CNTRL: variants seen among roughly 807,000 people sequenced by gnomAD.
The protein encoded by CNTRL is 110 kDa centrosomal protein.
Under a neutral mutation model 303.7 loss-of-function variants are expected in CNTRL, and 233 were observed. That is an observed-to-expected ratio of 0.77 (90% CI 0.69 to 0.86). The LOEUF (loss-of-function observed/expected upper bound fraction) is 0.86. Ranked by LOEUF, CNTRL falls within the 40% of genes least tolerant of loss-of-function variation. The pLI is 0.00. For synonymous variants in CNTRL, 900 were observed against 922.2 expected (o/e 0.98, Z 0.44); for missense variants, 2,524 against 2,650.6 (o/e 0.95, Z 1.05).
In CNTRL at chr9:121,098,562, A is replaced by G. The variant is rs772286609; in HGVS notation, c.798A>G (p.Arg266=). Residue 266 remains arginine (R), a synonymous_variant, in exon 7 of 44, where the codon AGA becomes AGG. Transcript: ENST00000373855. ...TTQDRQEAFE[R]FSLEEVERLE... ...AGGATAGACAGGAGGCTTTTGAGAG[A>G]TTCAGTTTAGGTAAGATTAAATTTA... 6.9e-6 allele frequency: 11 copies of G among 1,592,058 alleles called. No individual in the cohort carries two copies. The highest frequency in any genetic ancestry group is 9.4e-6 in the Non-Finnish European group (11 of 1,172,220).
chr9:121,149,611 T>C (rs2052097008), intron 24 of CNTRL, among the ~76,000 whole-genome samples: 2 of 152,078 alleles, frequency 1.3e-5, no homozygotes, highest in African/African-American at 4.8e-5. Context: ...TTCACCATAT[T>C]AGACAGGCTG....
intron 12 of CNTRL, chr9:121,122,426 G>C: frequency 2.0e-6 from 2 of 981,486 alleles, no homozygotes; most frequent in South Asian, 9.4e-5. Flanking sequence ...TTGTATTTGG[G>C]GTAAGCAAAT....
chr9:121,090,112 T>A (rs985000528), intron 3 of CNTRL, among the ~76,000 whole-genome samples, 163 bp from the exon 4 acceptor site: 2 of 131,562 alleles, frequency 1.5e-5, no homozygotes, highest in Non-Finnish European at 3.0e-5. Flanking sequence ...TATGAAATGC[T>A]ATGAAGTAAA....
At chr9:121,148,896 T>G in intron 24 of CNTRL, 35 bp downstream of exon 24, 54 of 1,583,874 alleles carry the variant, frequency 3.4e-5, no homozygotes, top group Non-Finnish European at 4.3e-5. Context: ...TGCATTTCTC[T>G]TGCCCGTTTA....
intron 8 of CNTRL, among the ~76,000 whole-genome samples, chr9:121,110,175 A>G (rs1222003989): frequency 6.6e-6 from 1 of 152,146 alleles, no homozygotes; most frequent in Non-Finnish European, 1.5e-5. Context: ...CCTGCCACCA[A>G]CAAATATTAA....
At chr9:121,097,997 T>A (rs2048965451) in intron 6 of CNTRL, among the ~76,000 whole-genome samples, 1 of 152,192 alleles carries the variant, frequency 6.6e-6, no homozygotes, top group African/African-American at 2.4e-5. Context: ...TTTTTTTGAT[T>A]TGTTAAATCA....
chr9:121,172,342 A>C (rs1271770455), intron 40 of CNTRL, among the ~76,000 whole-genome samples: 1 of 152,152 alleles, frequency 6.6e-6, no homozygotes, highest in African/African-American at 2.4e-5. Context: ...AGTTGGTAAC[A>C]CTTTAAGAAA....
At chr9:121,140,210 T>G (rs554366914) in intron 16 of CNTRL, among the ~76,000 whole-genome samples, 1 of 152,246 alleles carries the variant, frequency 6.6e-6, no homozygotes, top group Non-Finnish European at 1.5e-5. Context: ...TAACATATTT[T>G]CAGGTCCAGC....
At chr9:121,133,736 A>G (rs1163585959) in intron 14 of CNTRL, among the ~76,000 whole-genome samples, 2 of 152,174 alleles carry the variant, frequency 1.3e-5, no homozygotes, top group African/African-American at 2.4e-5. Flanking sequence ...GTCTGCGTCG[A>G]TCACGCTGGG....
intron 14 of CNTRL, among the ~76,000 whole-genome samples, chr9:121,126,583 C>T (rs1040282341): frequency 6.6e-6 from 1 of 152,120 alleles, no homozygotes; most frequent in African/African-American, 2.4e-5. Flanking sequence ...ACTGACAACC[C>T]AGCTTAAGAA....
At position 121,151,384 on chromosome 9, in the gene CNTRL, C is replaced by CTTTTTTTTTTTTTTTTTTTTTTTT. The variant is rs200247383; in HGVS notation, c.3963+903_3963+904insTTTTTTTTTTTTTTTTTTTTTTTT. Among the ~76,000 whole-genome samples the CTTTTTTTTTTTTTTTTTTTTTTTT allele has an allele frequency of 1.7e-4, 16 of 91,516 alleles. 2 individuals carry two copies. The highest frequency in any genetic ancestry group is 4.5e-4 in the East Asian group (1 of 2,218). 60.0% of individuals were successfully genotyped at this position (91,516 alleles called of 152,430 possible). On this transcript the variant is annotated intron_variant, in intron 25 of 43. Coordinates refer to ENST00000373855, the MANE Select transcript of CNTRL (RefSeq NM_007018.6). The stretch of plus-strand genomic sequence containing the variant: ...GATTACTTCCTTTTTCTTTTTTCTT[C>CTTTTTTTTTTTTTTTTTTTTTTTT]TTCTTTTTTTTTTTTTTTTTTTTTG...
At position 121,167,519 on chromosome 9, in the gene CNTRL, G is replaced by A; in HGVS notation, c.5686G>A (p.Val1896Met). The stretch of plus-strand genomic sequence containing the variant: ...GCTTCACACCACCAAGCATCAGGAT[G>A]TGTTGCTCAGTGAGCAGACCCGACT... ...DLLHTTKHQD[V>M]LLSEQTRLQK... Residue 1896 changes from valine to methionine, a missense_variant, in exon 37 of 44, where the codon GTG (valine) becomes ATG (methionine). Val to Met is a conservative substitution (Grantham distance 21, BLOSUM62 1). Coordinates refer to ENST00000373855, the MANE Select transcript of CNTRL (RefSeq NM_007018.6). 2.5e-6 allele frequency: 4 copies of A among 1,614,012 alleles called. No homozygotes were observed. Among genetic ancestry groups the A allele is most frequent in the Non-Finnish European group, 3.4e-6 (4 of 1,179,962 alleles).
At chr9:121,160,853 C>A (rs1006593392) in intron 32 of CNTRL, among the ~76,000 whole-genome samples, 1 of 152,074 alleles carries the variant, frequency 6.6e-6, no homozygotes, top group African/African-American at 2.4e-5. Context: ...TTGATGTGCA[C>A]CTATAGTCCC....
chr9:121,148,003 C>T (rs1164650155), intron 23 of CNTRL, among the ~76,000 whole-genome samples: 1 of 152,150 alleles, frequency 6.6e-6, no homozygotes, highest in Non-Finnish European at 1.5e-5. Flanking sequence ...ACTGGTGACC[C>T]CAGATTTCTT....
chr9:121,152,785 G>A lies in CNTRL; in HGVS notation c.4172+92G>A. ...CTTTCTATAATCTTGGAATGTTCTT[G>A]ATCTTCTGTCCAAAACAGTAACCAC... On this transcript the variant is annotated intron_variant, in intron 26 of 43. Coordinates refer to ENST00000373855, the MANE Select transcript of CNTRL (RefSeq NM_007018.6). The A allele has an allele frequency of 3.9e-6, 4 of 1,027,156 alleles. No individual in the cohort carries two copies. The South Asian group carries it at 6.6e-5, about 17-fold the overall frequency. The allele number at this position is 1,027,156 out of a possible 1,614,324, so 63.6% of individuals were successfully genotyped here. A position where few individuals can be genotyped will look rare whatever the true frequency, so the allele number is the denominator to read the frequency against.
chr9:121,125,886 G>T lies in CNTRL; in HGVS notation c.1975G>T (p.Glu659Ter), dbSNP rs760584236. 5 of 1,614,092 alleles carry T rather than the reference G, an allele frequency of 3.1e-6. No individual in the cohort carries two copies. In the East Asian group the frequency reaches 8.9e-5, roughly 29 times the overall value. Residue 659 changes from glutamate to a stop codon, truncating the protein, a stop_gained, in exon 14 of 44, where the codon GAG (glutamate) becomes TAG (stop). Transcript: ENST00000373855. LOFTEE classifies it high-confidence loss of function. Reference sequence around the variant, plus strand: ...GCAGAGATTGACAGAAGTCGAGCAGGAGAGAGACCAGCTGGAAATAGTTGC... The same window carrying T: ...GCAGAGATTGACAGAAGTCGAGCAGTAGAGAGACCAGCTGGAAATAGTTGC... ...LLQRLTEVEQERDQLEIVAMD... is the reference protein window; with the variant it reads ...LLQRLTEVEQ
intron 17 of CNTRL, 25 bp downstream of exon 17, chr9:121,140,811 G>A (rs2051466960): frequency 6.2e-7 from 1 of 1,601,322 alleles, no homozygotes; most frequent in East Asian, 2.2e-5. Context: ...AGACCTCCAA[G>A]TCTAGAGTGG....
At chr9:121,097,813 C>T (rs1252502194) in intron 6 of CNTRL, among the ~76,000 whole-genome samples, 1 of 152,166 alleles carries the variant, frequency 6.6e-6, no homozygotes, top group African/African-American at 2.4e-5. Context: ...TGATATTTGA[C>T]ATTGGCATTA....
chr9:121,150,976 G>A (rs2052205833), intron 25 of CNTRL, among the ~76,000 whole-genome samples: 1 of 152,186 alleles, frequency 6.6e-6, no homozygotes, highest in African/African-American at 2.4e-5. Flanking sequence ...TAATATGAGT[G>A]TATACACATG....
Sources: allele counts gnomAD v4.1 joint callset (sites outside exome capture counted in the v4.1 genomes callset), GRCh38; gene constraint gnomAD v4.1.1; transcripts MANE v1.5; gene names NCBI Gene and HGNC (gene_info 2026-07-23, HGNC 2026-07-21).